CADPS2: variants seen among roughly 807,000 people sequenced by gnomAD.
CADPS2 encodes the protein calcium-dependent secretion activator 2.
A neutral mutation model predicts 172.5 loss-of-function variants in CADPS2; 93 were observed. The observed-to-expected ratio is 0.54, with a 90% confidence interval of 0.46 to 0.64. CADPS2 has a LOEUF of 0.64. Among genes scored for constraint, CADPS2 ranks in the 30% least tolerant of loss-of-function variants. The pLI, the probability that CADPS2 is intolerant of heterozygous loss-of-function variation, is 0.00. For missense variants in CADPS2, 1,420 were observed against 1,565.9 expected (o/e 0.91, Z 1.57); for synonymous variants, 546 against 555.2 (o/e 0.98, Z 0.23).
At chr7:122,842,821 G>C (rs1173503122) in intron 1 of CADPS2, among the ~76,000 whole-genome samples, 1 of 152,082 alleles carries the variant, frequency 6.6e-6, no homozygotes, top group African/African-American at 2.4e-5. Context: ...GAAAGGAAAA[G>C]AAAACCCTTG....
At chr7:122,586,602 G>A (rs1227447203) in intron 6 of CADPS2, among the ~76,000 whole-genome samples, 1 of 151,896 alleles carries the variant, frequency 6.6e-6, no homozygotes, top group Non-Finnish European at 1.5e-5. Context: ...AAGATGTTAT[G>A]TTATCTGTTA....
In CADPS2 at chr7:122,581,211, C is replaced by T; in HGVS notation, c.1303G>A (p.Val435Ile). 1 of 1,613,258 alleles carries T rather than the reference C, an allele frequency of 6.2e-7. No individual in the cohort carries two copies. Among genetic ancestry groups the T allele is most frequent in the South Asian group, 1.1e-5 (1 of 91,070 alleles). Residue 435 changes from valine to isoleucine, a missense_variant, in exon 7 of 30, where the codon GTT (valine) becomes ATT (isoleucine). Transcript: ENST00000449022. Reference protein sequence around the residue: ...KVKLFTESTGVLALEDKELGR... With the variant: ...KVKLFTESTGILALEDKELGR... ...AGTTCTTTATCTTCCAGGGCCAGAA[C>T]TCCAGTGCTTTCTGTGAAGAGTTTC... is the stretch of plus-strand genomic sequence containing the variant.
At chr7:122,454,676 A>G (rs1488057608) in intron 14 of CADPS2, among the ~76,000 whole-genome samples, 2 of 152,238 alleles carry the variant, frequency 1.3e-5, no homozygotes, top group African/African-American at 2.4e-5. Flanking sequence ...CATACATTCT[A>G]AAGTATGTTT....
At chr7:122,754,012 G>C (rs2093058379) in intron 1 of CADPS2, among the ~76,000 whole-genome samples, 1 of 152,120 alleles carries the variant, frequency 6.6e-6, no homozygotes, top group Admixed American at 6.5e-5. Flanking sequence ...GTGGTGCAGA[G>C]CACTCCCCAC....
intron 14 of CADPS2, among the ~76,000 whole-genome samples, chr7:122,456,885 G>A (rs779830064): frequency 6.6e-6 from 1 of 152,146 alleles, no homozygotes; most frequent in Non-Finnish European, 1.5e-5. Context: ...AAGCAATCTT[G>A]TAATTTGTGC....
intron 25 of CADPS2, among the ~76,000 whole-genome samples, chr7:122,368,724 A>C (rs371201731): frequency 2.6e-5 from 4 of 152,194 alleles, no homozygotes; most frequent in African/African-American, 9.7e-5. Context: ...AAAAGTCCCT[A>C]GTAGATGACC....
chr7:122,735,096 A>G (rs1389681956), intron 2 of CADPS2, among the ~76,000 whole-genome samples: 1 of 152,146 alleles, frequency 6.6e-6, no homozygotes, highest in African/African-American at 2.4e-5. Context: ...AGTCTGAGAC[A>G]GAACCCCAGG....
At chr7:122,708,534 T>C in intron 2 of CADPS2, among the ~76,000 whole-genome samples, 1 of 3,002 alleles carries the variant, frequency 3.3e-4, no homozygotes, top group Middle Eastern at 0.5. Context: ...TATATATATA[T>C]ATATATATAT....
intron 28 of CADPS2, among the ~76,000 whole-genome samples, chr7:122,337,729 A>T (rs2036089185): frequency 6.6e-6 from 1 of 150,520 alleles, no homozygotes. Context: ...ATTCGAGAGC[A>T]GAGGTTTTAA....
intron 6 of CADPS2, among the ~76,000 whole-genome samples, chr7:122,594,364 G>A (rs2071407665): frequency 6.6e-6 from 1 of 151,230 alleles, no homozygotes; most frequent in Non-Finnish European, 1.5e-5. Flanking sequence ...GTTGGGGTGG[G>A]TAATGACTTT....
intron 25 of CADPS2, chr7:122,366,720 C>CGTATACATATATATATACAA (rs2040960235): frequency 7.0e-6 from 1 of 143,838 alleles, no homozygotes; most frequent in Non-Finnish European, 1.6e-5. Context: ...TATATATACA[C>CGTATACATATATATATACAA]ACATATATGT....
rs182389775 is a variant in CADPS2, at chr7:122,528,044, A to T, written c.1476-14729T>A. Among the ~76,000 whole-genome samples, 320 of 151,464 alleles carry T rather than the reference A, an allele frequency of 2.1e-3. 1 individual carries two copies. The highest frequency in any genetic ancestry group is 7.4e-3 in the African/African-American group (307 of 41,302). On this transcript the variant is annotated intron_variant, in intron 8 of 29. Coordinates refer to ENST00000449022, the MANE Select transcript of CADPS2 (RefSeq NM_017954.11). The stretch of plus-strand genomic sequence containing the variant: ...CTATAATAGATGGGGTCATTACAAA[A>T]ATCTGCTGCAATGATGTATGAAAGG...
chr7:122,583,972 T>C (rs1048174977), intron 6 of CADPS2, among the ~76,000 whole-genome samples: 1 of 151,538 alleles, frequency 6.6e-6, no homozygotes, highest in Non-Finnish European at 1.5e-5. Flanking sequence ...AATCTGTAAT[T>C]ATAGTAGATT....
At chr7:122,637,171 CTTTTTTTTTTTTTTTTTTTTTTT>C (rs71161313) in intron 3 of CADPS2, among the ~76,000 whole-genome samples, 6 of 53,900 alleles carry the variant, frequency 1.1e-4, no homozygotes, top group Admixed American at 4.3e-4. Context: ...TGAAATTTTG[CTTTTTTTTTTTTTTTTTTTTTTT>C]TTTTTTTTTT....
intron 1 of CADPS2, among the ~76,000 whole-genome samples, chr7:122,809,951 C>A (rs931818885): frequency 6.6e-6 from 1 of 152,132 alleles, no homozygotes; most frequent in Non-Finnish European, 1.5e-5. Context: ...TTATTACACA[C>A]ATATACACAT....
At chr7:122,476,634 G>A (rs1441786983) in intron 12 of CADPS2, among the ~76,000 whole-genome samples, 2 of 152,040 alleles carry the variant, frequency 1.3e-5, no homozygotes, top group Non-Finnish European at 2.9e-5. Flanking sequence ...TGATATTAAT[G>A]ATAGCACTTT....
intron 6 of CADPS2, among the ~76,000 whole-genome samples, chr7:122,589,888 T>A (rs1238356357): frequency 6.6e-6 from 1 of 151,866 alleles, no homozygotes; most frequent in Non-Finnish European, 1.5e-5. Flanking sequence ...ATTTTAAAGG[T>A]TTGCAATCAT....
intron 9 of CADPS2, among the ~76,000 whole-genome samples, chr7:122,502,885 A>C (rs1443444806): frequency 6.6e-6 from 1 of 151,942 alleles, no homozygotes; most frequent in African/African-American, 2.4e-5. Flanking sequence ...GGTTATAGAA[A>C]CTTTTTATTA....
At chr7:122,383,351 A>G (rs2151393208) in intron 24 of CADPS2, among the ~76,000 whole-genome samples, 1 of 152,094 alleles carries the variant, frequency 6.6e-6, no homozygotes, top group East Asian at 1.9e-4. Context: ...GGAGGGAGGG[A>G]GATGTGGATG....
Sources: gnomAD v4.1 joint callset for allele counts (sites outside exome capture counted in the v4.1 genomes callset) on GRCh38, gnomAD v4.1.1 for gene constraint, MANE v1.5 for transcripts, NCBI Gene and HGNC (gene_info 2026-07-23, HGNC 2026-07-21) for gene names.